Variants in PLD3 observed in about 807,000 individuals in gnomAD.
The protein encoded by PLD3 is 5'-3' exonuclease PLD3.
A neutral mutation model predicts 58.4 loss-of-function variants in PLD3; 31 were observed. The observed-to-expected ratio is 0.53, with a 90% CI of 0.40 to 0.72. The LOEUF is 0.72. Ranked by LOEUF, PLD3 falls within the 30% of genes least tolerant of loss-of-function variation. PLD3 has a pLI of 0.00. For synonymous variants in PLD3, 264 were observed against 273.4 expected (o/e 0.97, Z 0.34); for missense variants, 595 against 659.8 (o/e 0.90, Z 1.08).
chr19:40,366,880 C>T lies in PLD3; in HGVS notation c.210C>T (p.Pro70=). 6.2e-7 allele frequency: 1 copy of T among 1,613,062 alleles called. No homozygotes were observed. The highest frequency in any genetic ancestry group is 1.1e-5 in the South Asian group (1 of 90,966). Residue 70 remains proline (P), a synonymous_variant, in exon 5 of 13, where the codon CCC becomes CCT. Coordinates refer to ENST00000409735, the MANE Select transcript of PLD3 (RefSeq NM_012268.4). ...WEYGDLHLFG[P]NQRPAPCYDP... ...ACGGCGACTTGCATCTCTTTGGGCC[C>T]AACCAGCGCCCAGCCCCCTGCTATG...
chr19:40,376,570 C>T, intron 10 of PLD3, 39 bp from the exon 11 acceptor site: 1 of 1,589,032 alleles, frequency 6.3e-7, no homozygotes, highest in Non-Finnish European at 8.6e-7. Context: ...CACAGCCGCC[C>T]TCTGCATCCT....
At chr19:40,372,312 C>T (rs575443705) in intron 9 of PLD3, among the ~76,000 whole-genome samples, 2 of 151,754 alleles carry the variant, frequency 1.3e-5, no homozygotes, top group South Asian at 2.1e-4. Context: ...CATAGCAAGA[C>T]TCCATCTTTA....
At position 40,366,513 on chromosome 19, in the gene PLD3, AGGTGGATTG is replaced by A; in HGVS notation, c.27+6_27+14del. On this transcript the variant is annotated splice_donor_5th_base_variant and intron_variant, in intron 3 of 12. Transcript: ENST00000409735. The stretch of plus-strand genomic sequence containing the variant: ...AGCCTAAACTGATGTACCAGGAGGT[AGGTGGATTG>A]GGGGGCTCAGCAGGGTGGAACTGGG... The A allele has an allele frequency of 6.2e-7, 1 of 1,612,840 alleles. No individual in the cohort carries two copies.
chr19:40,349,569 G>A (rs532311028), intron 1 of PLD3, among the ~76,000 whole-genome samples: 2 of 152,164 alleles, frequency 1.3e-5, no homozygotes, highest in South Asian at 2.1e-4. Flanking sequence ...TGCACACGGG[G>A]ACATCCACAT....
At chr19:40,372,009 T>C (rs2079078856) in intron 9 of PLD3, 136 bp downstream of exon 9, 1 of 716,684 alleles carries the variant, frequency 1.4e-6, no homozygotes, top group African/African-American at 1.7e-5. Flanking sequence ...TTCTGCTTGG[T>C]CAGGGGCCTG....
At chr19:40,372,022 G>A in intron 9 of PLD3, 149 bp downstream of exon 9, 2 of 665,338 alleles carry the variant, frequency 3.0e-6, no homozygotes, top group Admixed American at 5.0e-5. Flanking sequence ...GGGGCCTGGA[G>A]TAGTTCCCAA....
Position 40,377,799 on chromosome 19 carries a change from T to G in PLD3, c.1199T>G (p.Val400Gly). The part of the protein sequence containing the change: ...HSDIQVKLFV[V>G]PADEAQARIP... ...CCTCCCACTCAGAAACTCTTTGTGG[T>G]CCCCGCGGATGAGGCCCAGGCTCGA... The change falls in exon 12 of 13, where the codon GTC (valine) becomes GGC (glycine). Residue 400 changes from valine (V) to glycine (G), a missense_variant. Transcript: ENST00000409735. 6.2e-7 allele frequency: 1 copy of G among 1,613,306 alleles called. No individual in the cohort carries two copies.
At chr19:40,364,517 C>T (rs964766665) in intron 1 of PLD3, among the ~76,000 whole-genome samples, 2 of 151,230 alleles carry the variant, frequency 1.3e-5, no homozygotes, top group Non-Finnish European at 2.9e-5. Flanking sequence ...TGCGGCTGGG[C>T]GCGGTGGCTC....
At chr19:40,367,600 G>A in intron 5 of PLD3, 96 bp from the exon 6 acceptor site, 3 of 1,033,642 alleles carry the variant, frequency 2.9e-6, no homozygotes. Context: ...AAAAAATACA[G>A]TCTATCCAAC....
chr19:40,373,115 C>T (rs905187934), intron 9 of PLD3, among the ~76,000 whole-genome samples: 1 of 152,178 alleles, frequency 6.6e-6, no homozygotes, highest in African/African-American at 2.4e-5. Flanking sequence ...GAGCAAGTTA[C>T]CTGTCCAAGC....
At chr19:40,349,654 T>C (rs1223361989) in intron 1 of PLD3, among the ~76,000 whole-genome samples, 1 of 152,184 alleles carries the variant, frequency 6.6e-6, no homozygotes, top group African/African-American at 2.4e-5. Context: ...TTGGCTAATA[T>C]TGTTATTAAC....
rs1438991367 is a variant in PLD3, at chr19:40,366,693, C to T, written c.102+9C>T. 6.2e-7 allele frequency: 1 copy of T among 1,610,842 alleles called. No homozygotes were observed. Among genetic ancestry groups the T allele is most frequent in the African/African-American group, 1.3e-5 (1 of 74,834 alleles). On this transcript the variant is annotated intron_variant, in intron 4 of 12. Coordinates refer to ENST00000409735, the MANE Select transcript of PLD3 (RefSeq NM_012268.4). ...GGAAGGCTGCGGAAAAGGTAGGAGC[C>T]CTCCGCCACCCTCGCTCTGTCTCAG...
At chr19:40,377,053 A>G (rs1161512545) in intron 11 of PLD3, among the ~76,000 whole-genome samples, 11 of 111,178 alleles carry the variant, frequency 9.9e-5, no homozygotes, top group East Asian at 3.1e-4. Context: ...CAGGGCTGGG[A>G]TTGGGAGCAC....
At chr19:40,371,128 T>C (rs1478628188) in intron 8 of PLD3, among the ~76,000 whole-genome samples, 1 of 152,330 alleles carries the variant, frequency 6.6e-6, no homozygotes, top group East Asian at 1.9e-4. Flanking sequence ...AGGAAACAGC[T>C]TGGGCAATGA....
chr19:40,373,667 G>A (rs891050869), intron 9 of PLD3, among the ~76,000 whole-genome samples: 4 of 151,506 alleles, frequency 2.6e-5, no homozygotes, highest in African/African-American at 9.7e-5. Context: ...TCCCAGTCAA[G>A]GCAGGCTGTG....
At chr19:40,354,491 G>A (rs2078603030) in intron 1 of PLD3, among the ~76,000 whole-genome samples, 1 of 151,966 alleles carries the variant, frequency 6.6e-6, no homozygotes, top group African/African-American at 2.4e-5. Flanking sequence ...TGGAATGACA[G>A]GTGTGAGTGA....
chr19:40,362,361 G>A (rs963159919), intron 1 of PLD3, among the ~76,000 whole-genome samples: 13 of 152,196 alleles, frequency 8.5e-5, no homozygotes, highest in African/African-American at 3.1e-4. Flanking sequence ...TCAAACACAG[G>A]TATCTGGCTC....
In PLD3 at chr19:40,366,908, C is replaced by T. The variant is rs984758885; in HGVS notation, c.238C>T (p.Pro80Ser). 1.0e-5 allele frequency: 16 copies of T among 1,601,094 alleles called. No individual in the cohort carries two copies. The highest frequency in any genetic ancestry group is 1.3e-5 in the African/African-American group (1 of 74,558). The part of the protein sequence containing the change: ...PNQRPAPCYD[P>S]CEAVLVESIP... ...CCAGCGCCCAGCCCCCTGCTATGAC[C>T]CTTGCGAGTAAGTGGGGGGTGCTGC... The change falls in exon 5 of 13, where the codon CCT becomes TCT. Residue 80 changes from proline to serine, a missense_variant. By Grantham distance (74) the Pro-to-Ser change is moderately conservative. Transcript: ENST00000409735.
intron 1 of PLD3, among the ~76,000 whole-genome samples, chr19:40,361,024 G>A (rs1156346005): frequency 6.6e-6 from 1 of 152,178 alleles, no homozygotes; most frequent in Non-Finnish European, 1.5e-5. Flanking sequence ...GCTCATGCCT[G>A]AAATCCCCGC....
Sources: allele counts gnomAD v4.1 joint callset (sites outside exome capture counted in the v4.1 genomes callset), GRCh38; gene constraint gnomAD v4.1.1; transcripts MANE v1.5; gene names NCBI Gene and HGNC (gene_info 2026-07-23, HGNC 2026-07-21).